Variants in ZNF385D observed in about 807,000 individuals in gnomAD.
ZNF385D encodes the protein zinc finger protein 659.
ZNF385D carries 15 observed loss-of-function variants against 35.8 expected under a neutral mutation model. The ratio of observed to expected loss-of-function variants is 0.42; its 90% CI spans 0.28 to 0.64. The LOEUF (loss-of-function observed/expected upper bound fraction) is 0.64. Among genes scored for constraint, ZNF385D ranks in the 30% least tolerant of loss-of-function variants. ZNF385D has a pLI of 0.23. For missense variants in ZNF385D, 474 were observed against 494.6 expected, an observed-to-expected ratio of 0.96 and a Z score of 0.39; for synonymous variants, 212 against 186.8, an observed-to-expected ratio of 1.13 and a Z score of -1.10.
chr3:22,271,735 G>A (rs986105274), intron 2 of ZNF385D, among the ~76,000 whole-genome samples: 12 of 151,700 alleles, frequency 7.9e-5, no homozygotes, highest in Admixed American at 1.3e-4. Flanking sequence ...TCAGATGTCC[G>A]ATCCTCCGTA....
chr3:21,815,221 A>G (rs1166636661), intron 3 of ZNF385D, among the ~76,000 whole-genome samples: 3 of 152,244 alleles, frequency 2.0e-5, no homozygotes, highest in African/African-American at 7.2e-5. Flanking sequence ...AAATGCCCAC[A>G]AGAGAAAGCA....
chr3:21,751,177 G>C lies in ZNF385D; in HGVS notation c.-261C>G. 4.3e-6 allele frequency: 6 copies of C among 1,394,824 alleles called. No individual in the cohort carries two copies. The highest frequency in any genetic ancestry group is 5.6e-6 in the Non-Finnish European group (6 of 1,074,320). The allele number at this position is 1,394,824 out of a possible 1,614,324, so 86.4% of individuals were successfully genotyped here. ...CCTTACTGTAATCCGACTCCTCCTT[G>C]CGATGTCCTTGCCGCGCCTGTGACA... On this transcript the variant is annotated 5_prime_UTR_variant, in exon 1 of 8. Coordinates refer to ENST00000281523, the MANE Select transcript of ZNF385D (RefSeq NM_024697.3).
chr3:21,634,082 A>G (rs1290868198), intron 2 of ZNF385D, among the ~76,000 whole-genome samples: 1 of 152,008 alleles, frequency 6.6e-6, no homozygotes, highest in African/African-American at 2.4e-5. Context: ...CTCTAGTCCC[A>G]GCTACTAGGG....
intron 3 of ZNF385D, among the ~76,000 whole-genome samples, chr3:21,798,317 A>G (rs2072245030): frequency 6.6e-6 from 1 of 152,198 alleles, no homozygotes; most frequent in Non-Finnish European, 1.5e-5. Flanking sequence ...TCTCTCCTGG[A>G]GGCTCAGGAC....
intron 3 of ZNF385D, among the ~76,000 whole-genome samples, chr3:21,913,918 C>T (rs781125769): frequency 6.6e-6 from 1 of 152,062 alleles, no homozygotes; most frequent in Non-Finnish European, 1.5e-5. Flanking sequence ...TGTTCACAGC[C>T]ACATTAATGC....
intron 2 of ZNF385D, among the ~76,000 whole-genome samples, chr3:22,249,563 C>G (rs1033655396): frequency 2.6e-5 from 4 of 152,130 alleles, no homozygotes; most frequent in African/African-American, 9.6e-5. Context: ...GCATATCTTA[C>G]CATGCATCAC....
intron 1 of ZNF385D, among the ~76,000 whole-genome samples, chr3:21,710,806 T>A (rs554276352): frequency 6.6e-6 from 1 of 152,198 alleles, no homozygotes; most frequent in East Asian, 1.9e-4. Context: ...ACTTCTAGGG[T>A]GGGGGAATGC....
At chr3:21,989,750 A>T (rs1039040861) in intron 3 of ZNF385D, among the ~76,000 whole-genome samples, 3 of 152,164 alleles carry the variant, frequency 2.0e-5, no homozygotes, top group South Asian at 2.1e-4. Flanking sequence ...CTCCTCATCT[A>T]AGCGCATTAA....
At chr3:22,244,892 C>T (rs1024195867) in intron 2 of ZNF385D, among the ~76,000 whole-genome samples, 5 of 151,644 alleles carry the variant, frequency 3.3e-5, no homozygotes, top group Admixed American at 6.6e-5. Flanking sequence ...AACATCACTG[C>T]GTCTCCTCAG....
At chr3:21,762,385 C>T (rs1321268105) in intron 3 of ZNF385D, among the ~76,000 whole-genome samples, 1 of 152,092 alleles carries the variant, frequency 6.6e-6, no homozygotes, top group Non-Finnish European at 1.5e-5. Context: ...CTCTTTTCCA[C>T]TGTCTCAACC....
intron 3 of ZNF385D, among the ~76,000 whole-genome samples, chr3:22,124,628 G>A (rs1443213335): frequency 2.6e-5 from 4 of 152,070 alleles, no homozygotes; most frequent in African/African-American, 9.7e-5. Flanking sequence ...ATAGGGTGAG[G>A]TAATATATCG....
At chr3:21,810,548 G>A (rs1180007241) in intron 3 of ZNF385D, among the ~76,000 whole-genome samples, 1 of 151,964 alleles carries the variant, frequency 6.6e-6, no homozygotes, top group Non-Finnish European at 1.5e-5. Flanking sequence ...GTGTGTGTAT[G>A]TATGTATGTA....
intron 3 of ZNF385D, among the ~76,000 whole-genome samples, chr3:21,799,284 G>C (rs775555416): frequency 6.6e-6 from 1 of 152,128 alleles, no homozygotes; most frequent in Admixed American, 6.5e-5. Flanking sequence ...TGGAATGCTT[G>C]TTTTCTTTTG....
At position 22,276,077 on chromosome 3, in the gene ZNF385D, T is replaced by C. The variant is rs553455056; in HGVS notation, c.106+96373A>G. Among the ~76,000 whole-genome samples, 8 of 152,220 alleles carry C rather than the reference T, an allele frequency of 5.3e-5. No individual in the cohort carries two copies. In the South Asian group the frequency reaches 1.7e-3, roughly 32 times the overall value. On this transcript the variant is annotated intron_variant, in intron 2 of 5. Transcript: ENST00000494108. ...TCCAGCCTGGGTGACAGAGTGAGAC[T>C]TTGTCTCAAAAAATAAATAAAGAAT...
chr3:21,638,945 G>T (rs1351269022), intron 2 of ZNF385D, among the ~76,000 whole-genome samples: 1 of 151,956 alleles, frequency 6.6e-6, no homozygotes, highest in Non-Finnish European at 1.5e-5. Flanking sequence ...ACAAAGAAAT[G>T]GAAACTCTGA....
At chr3:21,877,159 C>G (rs1474407024) in intron 3 of ZNF385D, among the ~76,000 whole-genome samples, 1 of 152,086 alleles carries the variant, frequency 6.6e-6, no homozygotes, top group Non-Finnish European at 1.5e-5. Context: ...CACCAAAACA[C>G]TGAGACTCGA....
chr3:21,971,570 T>C (rs1340876561), intron 3 of ZNF385D, among the ~76,000 whole-genome samples: 1 of 150,826 alleles, frequency 6.6e-6, no homozygotes. Context: ...AAGGAAGAGA[T>C]GGCCAAAAAA....
At chr3:22,025,405 G>A (rs1050966055) in intron 3 of ZNF385D, among the ~76,000 whole-genome samples, 1 of 152,116 alleles carries the variant, frequency 6.6e-6, no homozygotes, top group African/African-American at 2.4e-5. Context: ...TGACCCATGA[G>A]GAGGTGTGCT....
chr3:21,902,239 G>T (rs1699450324), intron 3 of ZNF385D, among the ~76,000 whole-genome samples: 1 of 152,086 alleles, frequency 6.6e-6, no homozygotes, highest in South Asian at 2.1e-4. Flanking sequence ...GGTCATCATG[G>T]TCTCAAGGGC....
Sources: allele counts gnomAD v4.1 joint callset (sites outside exome capture counted in the v4.1 genomes callset), GRCh38; gene constraint gnomAD v4.1.1; transcripts MANE v1.5; gene names NCBI Gene and HGNC (gene_info 2026-07-23, HGNC 2026-07-21).